SIGLEC12: variants seen among roughly 807,000 people sequenced by gnomAD.
The protein encoded by SIGLEC12 is sialic acid binding Ig like lectin 12, also known as sialic acid-binding Ig-like lectin 12.
A neutral mutation model predicts 54.1 loss-of-function variants in SIGLEC12; 43 were observed. That is an observed-to-expected ratio of 0.80 (90% CI 0.62 to 1.03). The LOEUF (loss-of-function observed/expected upper bound fraction) is 1.03. Ranked by LOEUF, SIGLEC12 falls within the 50% of genes least tolerant of loss-of-function variation. SIGLEC12 has a pLI of 0.00. For synonymous variants in SIGLEC12, 357 were observed against 307.6 expected, an observed-to-expected ratio of 1.16 and a Z score of -1.68; for missense variants, 802 against 735.2, an observed-to-expected ratio of 1.09 and a Z score of -1.05.
At chr19:51,500,337 C>T (rs1464066744) in intron 1 of SIGLEC12, 37 bp from the exon 2 acceptor site, 2 of 1,614,090 alleles carry the variant, frequency 1.2e-6, no homozygotes, top group East Asian at 4.5e-5. Flanking sequence ...CCCCCACTGT[C>T]CCTCTCTTCA....
chr19:51,496,957 T>C lies in SIGLEC12; in HGVS notation c.1522A>G (p.Lys508Glu). 2 of 1,613,364 alleles carry C rather than the reference T, an allele frequency of 1.2e-6. No homozygotes were observed. The highest frequency in any genetic ancestry group is 1.7e-6 in the Non-Finnish European group (2 of 1,179,976). Residue 508 changes from lysine (K) to glutamate (E), a missense_variant, in exon 7 of 8, where the codon AAA becomes GAA. Physicochemically the swap from Lys to Glu is moderately conservative, Grantham distance 56. Transcript: ENST00000291707. ...ACGCCCACTGCTGGCCTTGCCGATT[T>C]CTTCCTGCAGGACCTCACTCTGAGT... is the stretch of plus-strand genomic sequence containing the variant. ...IFVVVRSCRK[K>E]SARPAVGVGD...
Position 51,496,889 on chromosome 19 carries a change from T to C in SIGLEC12, c.1590A>G (p.Ser530=), listed in dbSNP as rs140005943. Residue 530 remains serine, a synonymous_variant, in exon 7 of 8, where the codon TCA becomes TCG. Coordinates refer to ENST00000291707, the MANE Select transcript of SIGLEC12 (RefSeq NM_053003.4). ...GMEDANAVRG[S]ASQGPLIESP... ...TTCAATGCTCACTCACCTGAGAGGC[T>C]GAGCCCCTGACAGCGTTTGCGTCCT... 224 of 1,613,966 alleles carry C rather than the reference T, an allele frequency of 1.4e-4. No individual in the cohort carries two copies. The highest frequency in any genetic ancestry group is 6.4e-4 in the African/African-American group (48 of 75,058).
chr19:51,497,515 G>A (rs1323642977), intron 5 of SIGLEC12, 70 bp from the exon 6 acceptor site: 5 of 1,170,078 alleles, frequency 4.3e-6, no homozygotes, highest in Non-Finnish European at 6.3e-6. Flanking sequence ...CCCACTGCCT[G>A]TAGGGCCCCA....
At chr19:51,494,551 G>C (rs1599950539) in intron 7 of SIGLEC12, among the ~76,000 whole-genome samples, 1 of 152,294 alleles carries the variant, frequency 6.6e-6, no homozygotes, top group East Asian at 1.9e-4. Flanking sequence ...AAAACAGTAT[G>C]GCAGTTCCTT....
At chr19:51,499,116 C>A in intron 4 of SIGLEC12, 54 bp downstream of exon 4, 5 of 1,590,838 alleles carry the variant, frequency 3.1e-6, no homozygotes, top group Non-Finnish European at 4.3e-6. Context: ...TCCTGGCTCT[C>A]CCCTGAGTTG....
chr19:51,493,227 C>A (rs1247240458), intron 7 of SIGLEC12, among the ~76,000 whole-genome samples: 1 of 152,162 alleles, frequency 6.6e-6, no homozygotes, highest in African/African-American at 2.4e-5. Context: ...CTCACCTTCC[C>A]TACACAGAAG....
At chr19:51,500,386 G>A in intron 1 of SIGLEC12, 86 bp from the exon 2 acceptor site, 1 of 1,606,094 alleles carries the variant, frequency 6.2e-7, no homozygotes. Flanking sequence ...CTGAGGCAGA[G>A]GCTTCCTGGG....
In SIGLEC12 at chr19:51,497,065, A is replaced by C. The variant is rs1990261158; in HGVS notation, c.1503-89T>G. 7 of 1,600,056 alleles carry C rather than the reference A, an allele frequency of 4.4e-6. No individual in the cohort carries two copies. The South Asian group carries it at 7.7e-5, about 18-fold the overall frequency. On this transcript the variant is annotated intron_variant, in intron 6 of 7. Coordinates refer to ENST00000291707, the MANE Select transcript of SIGLEC12 (RefSeq NM_053003.4). ...CCCTGCCCTGTATTTCCTATTGGGG[A>C]GCTGGAGGGGTAACTGAGGCGGGAG... is the stretch of plus-strand genomic sequence containing the variant.
Position 51,498,084 on chromosome 19 carries a change from G to T in SIGLEC12, c.1339C>A (p.Arg447=), listed in dbSNP as rs371579975. ...TGGGAGCCTAGAGGGTTCTGAGCTC[G>T]GCAGGTGAATTCCCCTTCATCCTTC... The part of the protein sequence containing the change: ...HVKDEGEFTC[R]AQNPLGSQHI... Residue 447 remains arginine, a synonymous_variant, in exon 5 of 8, where the codon CGA becomes AGA. Transcript: ENST00000291707. The T allele has an allele frequency of 4.8e-5, 77 of 1,614,080 alleles. No individual in the cohort carries two copies. The highest frequency in any genetic ancestry group is 6.4e-5 in the Non-Finnish European group (76 of 1,180,032).
Position 51,491,775 on chromosome 19 carries a change from C to G in SIGLEC12, c.1654G>C (p.Ala552Pro), listed in dbSNP as rs1456926344. 2 of 1,607,568 alleles carry G rather than the reference C, an allele frequency of 1.2e-6. No homozygotes were observed. The highest frequency in any genetic ancestry group is 1.7e-5 in the Admixed American group (1 of 59,432). The change falls in exon 8 of 8, where the codon GCC (alanine) becomes CCC (proline). Residue 552 changes from alanine (A) to proline (P), a missense_variant. By Grantham distance (27) the Ala-to-Pro change is conservative (BLOSUM62 -1). Transcript: ENST00000291707. ...DDSPPHHAPP[A>P]LATPSPEEGE... ...TCCTCTGGGGAGGGGGTGGCCAGGG[C>G]TGGCGGAGCATGGTGTGGGGGGCTG...
At position 51,491,269 on chromosome 19, in the gene SIGLEC12, A is replaced by G; in HGVS notation, c.*372T>C. 5.9e-6 allele frequency: 1 copy of G among 169,806 alleles called. No homozygotes were observed. Among genetic ancestry groups the G allele is most frequent in the Admixed American group, 5.8e-5 (1 of 17,128 alleles). 10.5% of individuals were successfully genotyped at this position (169,806 alleles called of 1,614,324 possible). ...TCCTCTCTTTTAGCCATTTTGAAAT[A>G]TTCAATACATTATTCTGTTATTTGG... On this transcript the variant is annotated 3_prime_UTR_variant, in exon 8 of 8. Transcript: ENST00000291707.
rs145312255 is a variant in SIGLEC12, at chr19:51,501,460, G to T, written c.274C>A (p.Arg92=). ...ARAVQEETRD[R]FHLLGDPQNK... The stretch of plus-strand genomic sequence containing the variant: ...TGTGGGTCCCCAAGGAGGTGGAATC[G>T]GTCCCGAGTCTCCTCCTGCACTGCT... The change falls in exon 1 of 8, where the codon CGA becomes AGA. Residue 92 remains arginine, a synonymous_variant. Transcript: ENST00000291707. The T allele has an allele frequency of 3.1e-6, 5 of 1,614,176 alleles. No individual in the cohort carries two copies. The highest frequency in any genetic ancestry group is 4.2e-6 in the Non-Finnish European group (5 of 1,180,028).
chr19:51,491,734 A>G lies in SIGLEC12; in HGVS notation c.1695T>C (p.Tyr565=). 6.2e-7 allele frequency: 1 copy of G among 1,613,642 alleles called. No homozygotes were observed. Among genetic ancestry groups the G allele is most frequent in the East Asian group, 2.2e-5 (1 of 44,824 alleles). ...TPSPEEGEIQ[Y]ASLSFHKARP... ...TCGCTTTGTGGAAGCTGAGGGATGC[A>G]TACTGGATCTCTCCTTCCTCTGGGG... Residue 565 remains tyrosine (Y), a synonymous_variant, in exon 8 of 8, where the codon TAT becomes TAC. Transcript: ENST00000291707.
At position 51,500,132 on chromosome 19, in the gene SIGLEC12, C is replaced by T. The variant is rs1241849560; in HGVS notation, c.596G>A (p.Trp199Ter). ...SWFKEGADIPWDIPVATNTPS... is the reference protein window; with the variant it reads ...SWFKEGADIP ...GGTGTTTGTGGCCACTGGAATATCC[C>T]ATGGTATATCGGCCCCTTCCTTGAA... The change falls in exon 2 of 8, where the codon TGG (tryptophan) becomes TAG (stop). Residue 199 changes from tryptophan (W) to a stop codon, truncating the protein, a stop_gained. Coordinates refer to ENST00000291707, the MANE Select transcript of SIGLEC12 (RefSeq NM_053003.4). LOFTEE classifies it high-confidence loss of function. The T allele has an allele frequency of 3.1e-6, 5 of 1,614,140 alleles. No individual in the cohort carries two copies. The highest frequency in any genetic ancestry group is 4.2e-6 in the Non-Finnish European group (5 of 1,180,022).
At position 51,497,362 on chromosome 19, in the gene SIGLEC12, T is replaced by C. The variant is rs28572419; in HGVS notation, c.1489A>G (p.Ile497Val). The change falls in exon 6 of 8, where the codon ATC becomes GTC. Residue 497 changes from isoleucine (I) to valine (V), a missense_variant. By Grantham distance (29) the Ile-to-Val change is conservative. Coordinates refer to ENST00000291707, the MANE Select transcript of SIGLEC12 (RefSeq NM_053003.4). ...ATALVFLYFC[I>V]IFVVVRSCRK... ...GTCAATGCTCACACAACGAAGATGA[T>C]GCAGAAGTACAGGAAGACCAGGGCT... 9,112 of 1,613,160 alleles carry C rather than the reference T, an allele frequency of 5.6e-3. 403 individuals carry two copies. The African/African-American group carries it at 0.1, about 18-fold the overall frequency.
At chr19:51,491,978 A>C (rs888096472) in intron 7 of SIGLEC12, 149 bp from the exon 8 acceptor site, 2 of 548,320 alleles carry the variant, frequency 3.6e-6, no homozygotes, top group Admixed American at 3.6e-5. Context: ...TCTAATGTCT[A>C]ATACTCAATT....
At position 51,491,376 on chromosome 19, in the gene SIGLEC12, A is replaced by G; in HGVS notation, c.*265T>C. 1 of 456,772 alleles carries G rather than the reference A, an allele frequency of 2.2e-6. No homozygotes were observed. The highest frequency in any genetic ancestry group is 4.0e-6 in the Non-Finnish European group (1 of 252,678). 28.3% of individuals were successfully genotyped at this position (456,772 alleles called of 1,614,324 possible). ...GAGACAAACACTCTACGATCTCACT[A>G]TATTTGGAACCTAAAATAGTCGACC... is the stretch of plus-strand genomic sequence containing the variant. On this transcript the variant is annotated 3_prime_UTR_variant, in exon 8 of 8. Transcript: ENST00000291707.
intron 7 of SIGLEC12, among the ~76,000 whole-genome samples, chr19:51,493,036 T>C (rs937120697): frequency 2.0e-5 from 3 of 152,222 alleles, no homozygotes; most frequent in African/African-American, 7.2e-5. Flanking sequence ...AGATGCTCCA[T>C]GGAACTGTTT....
At chr19:51,496,655 A>G (rs936586974) in intron 7 of SIGLEC12, among the ~76,000 whole-genome samples, 1 of 152,128 alleles carries the variant, frequency 6.6e-6, no homozygotes, top group Non-Finnish European at 1.5e-5. Flanking sequence ...GGCAAGAGGC[A>G]GGGAGGTGAG....
Sources: gnomAD v4.1 joint callset for allele counts (sites outside exome capture counted in the v4.1 genomes callset) on GRCh38, gnomAD v4.1.1 for gene constraint, MANE v1.5 for transcripts, NCBI Gene and HGNC (gene_info 2026-07-23, HGNC 2026-07-21) for gene names.